Variants in SCN8A observed in about 807,000 individuals in gnomAD.
SCN8A encodes the protein sodium voltage-gated channel alpha subunit 8, also known as sodium channel protein type 8 subunit alpha.
SCN8A carries 30 observed loss-of-function variants against 184.1 expected under a neutral mutation model. The observed-to-expected ratio is 0.16, with a 90% CI of 0.12 to 0.22. The LOEUF (loss-of-function observed/expected upper bound fraction) is 0.22, where lower values mean the gene tolerates loss of function less well. SCN8A is among the 10% of genes least tolerant of loss of function. The pLI, the probability that SCN8A is intolerant of heterozygous loss-of-function variation, is 1.00. For missense variants in SCN8A, 1,057 were observed against 2,498.9 expected, an observed-to-expected ratio of 0.42 and a Z score of 12.30; for synonymous variants, 852 against 907.0, an observed-to-expected ratio of 0.94 and a Z score of 1.09.
intron 1 of SCN8A, among the ~76,000 whole-genome samples, chr12:51,631,448 G>A (rs544322590): frequency 9.4e-4 from 143 of 152,308 alleles, no homozygotes; most frequent in Non-Finnish European, 9.4e-4. Context: ...ATTTATTCTT[G>A]TGGTCCAGCC....
chr12:51,684,817 A>T (rs546471975), intron 3 of SCN8A, among the ~76,000 whole-genome samples: 1 of 152,252 alleles, frequency 6.6e-6, no homozygotes, highest in South Asian at 2.1e-4. Context: ...ATAAATAGGA[A>T]TTTTTTCTGG....
intron 12 of SCN8A, among the ~76,000 whole-genome samples, chr12:51,727,399 C>A (rs549398081): frequency 6.6e-6 from 1 of 151,810 alleles, no homozygotes; most frequent in Non-Finnish European, 1.5e-5. Flanking sequence ...AACTATACAC[C>A]TCCATTTGCA....
At chr12:51,707,527 C>T (rs766851796) in intron 11 of SCN8A, among the ~76,000 whole-genome samples, 5 of 152,078 alleles carry the variant, frequency 3.3e-5, no homozygotes, top group African/African-American at 7.2e-5. Flanking sequence ...TTTTTCTGCC[C>T]GCTTTATTTT....
chr12:51,599,327 T>C (rs1204080063), intron 1 of SCN8A, among the ~76,000 whole-genome samples: 2 of 152,220 alleles, frequency 1.3e-5, no homozygotes, highest in Non-Finnish European at 2.9e-5. Context: ...ATAAATGGTA[T>C]AGTTAATAAA....
intron 26 of SCN8A, among the ~76,000 whole-genome samples, chr12:51,805,311 G>A: frequency 6.6e-6 from 1 of 152,122 alleles, no homozygotes; most frequent in South Asian, 2.1e-4. Context: ...GGATGTGGCA[G>A]TTCACACCCG....
intron 1 of SCN8A, among the ~76,000 whole-genome samples, chr12:51,660,598 A>G (rs1200168804): frequency 6.6e-6 from 1 of 152,246 alleles, no homozygotes; most frequent in Non-Finnish European, 1.5e-5. Flanking sequence ...TTAAGTGCCA[A>G]AACAAGTTTA....
chr12:51,641,306 G>A (rs1479964789), intron 1 of SCN8A, among the ~76,000 whole-genome samples: 2 of 152,216 alleles, frequency 1.3e-5, no homozygotes, highest in African/African-American at 4.8e-5. Context: ...AAGGGGTAGT[G>A]GGAGTGTGTG....
At chr12:51,591,600 A>C (rs1032741501) in intron 1 of SCN8A, among the ~76,000 whole-genome samples, 1 of 152,054 alleles carries the variant, frequency 6.6e-6, no homozygotes, top group African/African-American at 2.4e-5. Flanking sequence ...ACTGAGGACC[A>C]CCAGTCCCCA....
intron 6 of SCN8A, among the ~76,000 whole-genome samples, chr12:51,699,174 G>A (rs1470895571): frequency 6.6e-6 from 1 of 152,208 alleles, no homozygotes; most frequent in Non-Finnish European, 1.5e-5. Context: ...TGAAGGATGA[G>A]TAGGATTTAG....
chr12:51,661,180 C>T (rs1048915518), intron 1 of SCN8A, among the ~76,000 whole-genome samples: 1 of 152,050 alleles, frequency 6.6e-6, no homozygotes, highest in African/African-American at 2.4e-5. Flanking sequence ...GTCTTAGGAC[C>T]CCACCTTTCC....
chr12:51,592,955 C>CA (rs199726377), intron 1 of SCN8A, among the ~76,000 whole-genome samples: 11 of 151,996 alleles, frequency 7.2e-5, no homozygotes, highest in Admixed American at 1.3e-4. Context: ...ATTCTTTTCT[C>CA]AAAAAAAATT....
At chr12:51,642,626 C>T (rs1276937364) in intron 1 of SCN8A, among the ~76,000 whole-genome samples, 3 of 151,968 alleles carry the variant, frequency 2.0e-5, no homozygotes, top group Admixed American at 2.0e-4. Flanking sequence ...TAGTTGTATA[C>T]CACTTTGTAA....
At chr12:51,678,734 A>G (rs963025996) in intron 2 of SCN8A, among the ~76,000 whole-genome samples, 1 of 152,184 alleles carries the variant, frequency 6.6e-6, no homozygotes, top group Non-Finnish European at 1.5e-5. Context: ...CTGCACACTT[A>G]TTTAATAGAA....
At chr12:51,773,262 A>G (rs528068549) in intron 19 of SCN8A, among the ~76,000 whole-genome samples, 1 of 152,072 alleles carries the variant, frequency 6.6e-6, no homozygotes, top group Non-Finnish European at 1.5e-5. Flanking sequence ...CTTCCTCCCC[A>G]CCTCCACAGG....
At chr12:51,769,759 A>G in intron 17 of SCN8A, 109 bp from the exon 18 acceptor site, 3 of 742,130 alleles carry the variant, frequency 4.0e-6, no homozygotes, top group Non-Finnish European at 4.7e-6. Flanking sequence ...TAAGAATTCT[A>G]GAGAGGAGTC....
chr12:51,685,308 A>G (rs771553225), intron 3 of SCN8A, among the ~76,000 whole-genome samples: 1 of 152,182 alleles, frequency 6.6e-6, no homozygotes, highest in African/African-American at 2.4e-5. Flanking sequence ...GCTGTAAGAA[A>G]TATTTTCTCT....
intron 16 of SCN8A, among the ~76,000 whole-genome samples, chr12:51,767,659 T>TGGG (rs1942859079): frequency 6.6e-6 from 1 of 152,224 alleles, no homozygotes; most frequent in African/African-American, 2.4e-5. Flanking sequence ...ATACCAAATC[T>TGGG]ACTGAATCCA....
At chr12:51,709,252 T>C (rs1941833463) in intron 11 of SCN8A, among the ~76,000 whole-genome samples, 1 of 152,106 alleles carries the variant, frequency 6.6e-6, no homozygotes, top group Non-Finnish European at 1.5e-5. Flanking sequence ...TAGACAAGGA[T>C]AGGCAAATGA....
At chr12:51,652,717 G>C (rs1235361429) in intron 1 of SCN8A, among the ~76,000 whole-genome samples, 1 of 152,082 alleles carries the variant, frequency 6.6e-6, no homozygotes, top group African/African-American at 2.4e-5. Context: ...GCCCATCTGT[G>C]GGCTTTAGCT....
Sources: allele counts gnomAD v4.1 joint callset (sites outside exome capture counted in the v4.1 genomes callset), GRCh38; gene constraint gnomAD v4.1.1; transcripts MANE v1.5; gene names NCBI Gene and HGNC (gene_info 2026-07-23, HGNC 2026-07-21).